The following THSD7B variants were observed in gnomAD, a reference collection of about 807,000 sequenced individuals.
THSD7B encodes the protein thrombospondin type-1 domain-containing protein 7B.
Under a neutral mutation model 213.6 loss-of-function variants are expected in THSD7B, and 138 were observed. The observed-to-expected ratio is 0.65, with a 90% confidence interval of 0.56 to 0.74. The LOEUF (loss-of-function observed/expected upper bound fraction) is 0.74, where lower values mean the gene tolerates loss of function less well. Among genes scored for constraint, THSD7B ranks in the 30% least tolerant of loss-of-function variants. The probability of loss-of-function intolerance (pLI) is 0.00; values close to 1 mark genes in which losing one functional copy is unlikely to be tolerated. For missense variants in THSD7B, 1,931 were observed against 1,991.5 expected (o/e 0.97, Z 0.58); for synonymous variants, 742 against 687.0 (o/e 1.08, Z -1.25).
In THSD7B at chr2:137,268,158, TA is replaced by T. The variant is rs1263226524; in HGVS notation, c.2267-4374del. Among the ~76,000 whole-genome samples, 12 of 152,268 alleles carry T rather than the reference TA, an allele frequency of 7.9e-5. No homozygotes were observed. The South Asian group carries it at 8.3e-4, about 11-fold the overall frequency. On this transcript the variant is annotated intron_variant, in intron 10 of 27. Transcript: ENST00000409968. Reference sequence around the variant, plus strand: ...TAAGAGAGGATTCTTTATTTTATTTTATTTTTTTTATATACTTTAAGTTCTA... The same window carrying T: ...TAAGAGAGGATTCTTTATTTTATTTTTTTTTTTTATATACTTTAAGTTCTA...
At chr2:137,396,854 T>C (rs1164096320) in intron 12 of THSD7B, among the ~76,000 whole-genome samples, 14 of 151,780 alleles carry the variant, frequency 9.2e-5, no homozygotes. Context: ...GCTCCTGTAT[T>C]GGATGCATAT....
At chr2:137,068,519 C>G (rs1272803907) in intron 3 of THSD7B, among the ~76,000 whole-genome samples, 2 of 152,082 alleles carry the variant, frequency 1.3e-5, no homozygotes, top group African/African-American at 4.8e-5. Context: ...TTCTGTCCAA[C>G]TTGATGAACT....
chr2:136,814,776 T>A (rs889959014), intron 1 of THSD7B, among the ~76,000 whole-genome samples: 18 of 152,212 alleles, frequency 1.2e-4, no homozygotes, highest in African/African-American at 4.1e-4. Context: ...CATCAGCTTA[T>A]ATGGCAGCTA....
intron 1 of THSD7B, among the ~76,000 whole-genome samples, chr2:136,842,364 T>G (rs1682933477): frequency 6.6e-6 from 1 of 152,228 alleles, no homozygotes. Flanking sequence ...TTCATTAATC[T>G]CAGCTATATC....
Position 136,873,469 on chromosome 2 carries a change from C to T in THSD7B, c.-35-8675C>T, listed in dbSNP as rs576110098. Among the ~76,000 whole-genome samples, 3 of 152,276 alleles carry T rather than the reference C, an allele frequency of 2.0e-5. No individual in the cohort carries two copies. In the East Asian group the frequency reaches 5.8e-4, roughly 29 times the overall value. On this transcript the variant is annotated intron_variant, in intron 1 of 27. Coordinates refer to ENST00000409968, the MANE Select transcript of THSD7B (RefSeq NM_001316349.2). ...TCATTGCAAGGCCGGAGGTTGTTCT[C>T]TCATAAAATAGAGATGATAATACCT...
At chr2:137,563,175 A>C (rs769859510) in intron 15 of THSD7B, 46 bp from the exon 16 acceptor site, 1 of 1,593,240 alleles carries the variant, frequency 6.3e-7, no homozygotes, top group African/African-American at 1.3e-5. Context: ...TTTTTCTATA[A>C]GTTGGATAGT....
chr2:137,072,180 C>A (rs1480057276), intron 3 of THSD7B, among the ~76,000 whole-genome samples: 2 of 152,118 alleles, frequency 1.3e-5, no homozygotes, highest in Non-Finnish European at 2.9e-5. Flanking sequence ...GGCATTGAAT[C>A]TATAAATTAC....
intron 10 of THSD7B, among the ~76,000 whole-genome samples, chr2:137,258,387 T>C (rs2105079837): frequency 6.6e-6 from 1 of 152,166 alleles, no homozygotes; most frequent in African/African-American, 2.4e-5. Flanking sequence ...TTTGCTCTCA[T>C]TCCCTCTCAA....
chr2:137,555,515 A>G (rs1680941811), intron 15 of THSD7B, among the ~76,000 whole-genome samples: 1 of 152,236 alleles, frequency 6.6e-6, no homozygotes, highest in African/African-American at 2.4e-5. Flanking sequence ...ACAAACAGAA[A>G]GGACATCCAC....
At chr2:137,326,330 C>T (rs1320399021) in intron 12 of THSD7B, among the ~76,000 whole-genome samples, 2 of 152,154 alleles carry the variant, frequency 1.3e-5, no homozygotes, top group South Asian at 4.1e-4. Context: ...CTTTGTCTGG[C>T]ATGTAGTTGA....
intron 12 of THSD7B, among the ~76,000 whole-genome samples, chr2:137,368,595 A>G (rs969661793): frequency 2.6e-5 from 4 of 152,132 alleles, no homozygotes; most frequent in Non-Finnish European, 4.4e-5. Flanking sequence ...AATTTTAGAC[A>G]TATTTTTATT....
chr2:137,421,066 C>T (rs13402368), intron 14 of THSD7B, among the ~76,000 whole-genome samples: 7,099 of 151,964 alleles, frequency 0.047, 506 homozygotes, highest in African/African-American at 0.16. Flanking sequence ...AAAACACTTA[C>T]GACTACCTGA....
chr2:136,864,522 TCA>T (rs1454371578), intron 1 of THSD7B, among the ~76,000 whole-genome samples: 1 of 152,178 alleles, frequency 6.6e-6, no homozygotes, highest in African/African-American at 2.4e-5. Flanking sequence ...TTTAAACATA[TCA>T]TATTTCTTTT....
chr2:136,769,874 T>C (rs902637245), intron 1 of THSD7B, among the ~76,000 whole-genome samples: 1 of 152,250 alleles, frequency 6.6e-6, no homozygotes, highest in African/African-American at 2.4e-5. Context: ...CTTAGGTGTT[T>C]TGCAGCAAGG....
intron 15 of THSD7B, among the ~76,000 whole-genome samples, chr2:137,516,711 A>G (rs1468490606): frequency 1.1e-5 from 1 of 90,882 alleles, no homozygotes; most frequent in Non-Finnish European, 2.0e-5. Flanking sequence ...CATAATTGCC[A>G]TTGACATTTA....
At chr2:136,991,020 C>CAAAAAA in intron 2 of THSD7B, 1 of 1,089,740 alleles carries the variant, frequency 9.2e-7, no homozygotes, top group Non-Finnish European at 1.2e-6. Flanking sequence ...CTGTCCTCCC[C>CAAAAAA]AAAAAAGGAG....
At chr2:136,857,525 A>G (rs1683194829) in intron 1 of THSD7B, among the ~76,000 whole-genome samples, 1 of 152,144 alleles carries the variant, frequency 6.6e-6, no homozygotes, top group Admixed American at 6.5e-5. Flanking sequence ...TTACATTTGG[A>G]TCTATCTTAT....
chr2:137,216,776 A>T (rs1041126768), intron 7 of THSD7B, among the ~76,000 whole-genome samples: 1 of 152,144 alleles, frequency 6.6e-6, no homozygotes, highest in African/African-American at 2.4e-5. Context: ...ACAAACTTGA[A>T]TAAGTCACAT....
intron 4 of THSD7B, among the ~76,000 whole-genome samples, chr2:137,111,444 A>G (rs1423547916): frequency 6.6e-6 from 1 of 152,104 alleles, no homozygotes; most frequent in Non-Finnish European, 1.5e-5. Flanking sequence ...TATTATGAAG[A>G]TATGCTTTAG....
Sources: gnomAD v4.1 joint callset for allele counts (sites outside exome capture counted in the v4.1 genomes callset) on GRCh38, gnomAD v4.1.1 for gene constraint, MANE v1.5 for transcripts, NCBI Gene and HGNC (gene_info 2026-07-23, HGNC 2026-07-21) for gene names.